The following MAPT variants were observed in gnomAD, a reference collection of about 807,000 sequenced individuals.
The protein encoded by MAPT is microtubule-associated protein tau.
In MAPT, 34 loss-of-function variants were observed where a neutral mutation model predicts 67.9. That is an observed-to-expected ratio of 0.50 (90% CI 0.38 to 0.67). MAPT has a LOEUF of 0.67. MAPT is among the 30% of genes least tolerant of loss of function. The pLI is 0.00. For missense variants in MAPT, 881 were observed against 1,115.2 expected, an observed-to-expected ratio of 0.79 and a Z score of 2.99; for synonymous variants, 456 against 464.5, an observed-to-expected ratio of 0.98 and a Z score of 0.23.
intron 1 of MAPT, among the ~76,000 whole-genome samples, chr17:45,931,351 T>G (rs571255922): frequency 6.6e-6 from 1 of 152,344 alleles, no homozygotes; most frequent in South Asian, 2.1e-4. Flanking sequence ...GTTTCTCTTG[T>G]TGAACTCTGT....
intron 11 of MAPT, among the ~76,000 whole-genome samples, chr17:46,015,131 T>C (rs12150469): frequency 0.14 from 21,768 of 151,984 alleles, 2,124 homozygotes; most frequent in Non-Finnish European, 0.22. Flanking sequence ...GTAATCCCAG[T>C]ACTTTGGGAG....
intron 1 of MAPT, among the ~76,000 whole-genome samples, chr17:45,932,674 A>G (rs2316782): frequency 0.14 from 21,722 of 151,918 alleles, 2,123 homozygotes; most frequent in Middle Eastern, 0.22. Flanking sequence ...GGCCAACTGT[A>G]TAACTAGAAG....
At chr17:45,978,478 T>TG in intron 4 of MAPT, 38 bp downstream of exon 4, 25 of 865,180 alleles carry the variant, frequency 2.9e-5, no homozygotes, top group Non-Finnish European at 3.8e-5. Flanking sequence ...ACTTGGGGGT[T>TG]GGGGGGAGGG....
chr17:45,917,073 C>T (rs2065261032), intron 1 of MAPT, among the ~76,000 whole-genome samples: 2 of 152,250 alleles, frequency 1.3e-5, no homozygotes, highest in Admixed American at 6.5e-5. Context: ...CATGGGAACA[C>T]GTGATCTGTT....
rs115381139 is a variant in MAPT, at chr17:46,024,075, T to C, written c.2406T>C (p.Asn802=). ...ACACGTCTCCACGGCATCTCAGCAA[T>C]GTCTCCTCCACCGGCAGCATCGACA... ...SGDTSPRHLS[N]VSSTGSIDMV... The change falls in exon 13 of 13, where the codon AAT becomes AAC. Residue 802 remains asparagine (N), a synonymous_variant. Transcript: ENST00000262410. 180 of 1,614,114 alleles carry C rather than the reference T, an allele frequency of 1.1e-4. 1 individual carries two copies. In the East Asian group the frequency reaches 3.3e-3, roughly 29 times the overall value.
intron 3 of MAPT, chr17:45,976,630 TGGAGAGCACAG>T (rs1339992768): frequency 2.0e-5 from 3 of 152,384 alleles, no homozygotes; most frequent in Non-Finnish European, 4.4e-5. Flanking sequence ...CCTGCCTTGC[TGGAGAGCACAG>T]GGCCCTCCTG....
intron 1 of MAPT, among the ~76,000 whole-genome samples, chr17:45,936,517 A>C (rs1044164267): frequency 1.3e-5 from 2 of 152,224 alleles, no homozygotes; most frequent in African/African-American, 2.4e-5. Context: ...TTTATTACAC[A>C]GTGGACATGT....
chr17:45,979,264 G>T (rs1244867196), intron 4 of MAPT: 1 of 152,210 alleles, frequency 6.6e-6, no homozygotes, highest in Non-Finnish European at 1.5e-5. Context: ...GGAAATGGGA[G>T]ACCTATGGTA....
intron 1 of MAPT, among the ~76,000 whole-genome samples, chr17:45,949,651 C>T (rs1301087751): frequency 3.9e-5 from 6 of 152,068 alleles, no homozygotes; most frequent in Non-Finnish European, 8.8e-5. Flanking sequence ...TCTGTGAAGC[C>T]CCTGTGAGTG....
chr17:45,956,548 T>TTA (rs57223421), intron 1 of MAPT, among the ~76,000 whole-genome samples: 36 of 95,250 alleles, frequency 3.8e-4, no homozygotes, highest in African/African-American at 1.4e-3. Flanking sequence ...GCAGGTTCTT[T>TTA]TATATATATA....
intron 12 of MAPT, among the ~76,000 whole-genome samples, chr17:46,022,296 G>C (rs996348097): frequency 3.4e-5 from 5 of 149,246 alleles, no homozygotes; most frequent in Admixed American, 2.0e-4. Context: ...GGAGGTTGCA[G>C]TGAGCTGAGA....
Position 45,922,634 on chromosome 17 carries a change from T to C in MAPT, c.-18+27948T>C, listed in dbSNP as rs1464689783. Among the ~76,000 whole-genome samples the C allele has an allele frequency of 2.6e-5, 4 of 152,270 alleles. No individual in the cohort carries two copies. In the East Asian group the frequency reaches 5.8e-4, roughly 22 times the overall value. ...AAGGAGAGGATGCCTAAAACAGGCA[T>C]TACCTGAAACCTCCTCTCTCCAGCA... On this transcript the variant is annotated intron_variant, in intron 1 of 12. Transcript: ENST00000262410.
At position 45,903,945 on chromosome 17, in the gene MAPT, ATATATATTATATATTATATAT is replaced by A. The variant is rs1221751926; in HGVS notation, c.-18+9282_-18+9302del. Among the ~76,000 whole-genome samples, 23 of 16,888 alleles carry A rather than the reference ATATATATTATATATTATATAT, an allele frequency of 1.4e-3. 1 individual carries two copies. Among genetic ancestry groups the A allele is most frequent in the Non-Finnish European group, 1.6e-3 (15 of 9,258 alleles). The allele number at this position is 16,888 out of a possible 152,430, so 11.1% of individuals were successfully genotyped here. On this transcript the variant is annotated intron_variant, in intron 1 of 12. Transcript: ENST00000262410. ...TATATATATTATATATTTATATATA[ATATATATTATATATTATATAT>A]TATATATTATATATTATATATTTAT...
chr17:45,951,475 G>T (rs987232170), intron 1 of MAPT, among the ~76,000 whole-genome samples: 1 of 151,902 alleles, frequency 6.6e-6, no homozygotes, highest in African/African-American at 2.4e-5. Context: ...TCACCCCCTC[G>T]CCCTCCGACG....
At position 45,903,855 on chromosome 17, in the gene MAPT, TTA is replaced by T. The variant is rs1235958286; in HGVS notation, c.-18+9177_-18+9178del. ...TATTATATATTTTATATATTATATA[TTA>T]TATATATTATATATTATATATTTAT... On this transcript the variant is annotated intron_variant, in intron 1 of 12. Transcript: ENST00000262410. Among the ~76,000 whole-genome samples, 95 of 44,768 alleles carry T rather than the reference TTA, an allele frequency of 2.1e-3. 3 individuals are homozygous for T. The highest frequency in any genetic ancestry group is 5.9e-3 in the African/African-American group (83 of 14,014). The allele number at this position is 44,768 out of a possible 152,430, so 29.4% of individuals were successfully genotyped here. A position where few individuals can be genotyped will look rare whatever the true frequency, so the allele number is the denominator to read the frequency against.
chr17:45,956,485 CAT>C (rs1245552671), intron 1 of MAPT, among the ~76,000 whole-genome samples: 1 of 151,444 alleles, frequency 6.6e-6, no homozygotes, highest in Non-Finnish European at 1.5e-5. Context: ...TGACCTCAAA[CAT>C]AGAGACCAGA....
intron 1 of MAPT, among the ~76,000 whole-genome samples, chr17:45,937,599 GAA>G (rs66493031): frequency 0.29 from 20,975 of 73,528 alleles, 2,051 homozygotes; most frequent in Middle Eastern, 0.39. Flanking sequence ...CTCAAAAAAA[GAA>G]AAAAAAAAAG....
chr17:45,981,340 A>G (rs1001909069), intron 4 of MAPT, among the ~76,000 whole-genome samples: 1 of 152,096 alleles, frequency 6.6e-6, no homozygotes, highest in African/African-American at 2.4e-5. Flanking sequence ...TATTAGGAGA[A>G]CCAAGGAGTG....
Position 45,992,037 on chromosome 17 carries a change from C to T in MAPT, c.1732+451C>T, listed in dbSNP as rs561689928. Among the ~76,000 whole-genome samples, 18 of 152,180 alleles carry T rather than the reference C, an allele frequency of 1.2e-4. No individual in the cohort carries two copies. In the South Asian group the frequency reaches 3.5e-3, roughly 30 times the overall value. ...CTGACCTCAGGTGATCCACCTGCCT[C>T]GGCCTCCCAAAGTGCTGGGATTACA... On this transcript the variant is annotated intron_variant, in intron 8 of 12. Coordinates refer to ENST00000262410, the MANE Select transcript of MAPT (RefSeq NM_001377265.1).
Sources: allele counts gnomAD v4.1 joint callset (sites outside exome capture counted in the v4.1 genomes callset), GRCh38; gene constraint gnomAD v4.1.1; transcripts MANE v1.5; gene names NCBI Gene and HGNC (gene_info 2026-07-23, HGNC 2026-07-21).